TRPC3: variants seen among roughly 807,000 people sequenced by gnomAD.
The protein encoded by TRPC3 is short transient receptor potential channel 3.
Under a neutral mutation model 90.9 loss-of-function variants are expected in TRPC3, and 54 were observed. The observed-to-expected ratio is 0.59, with a 90% CI of 0.48 to 0.75. The LOEUF (loss-of-function observed/expected upper bound fraction) is 0.75, where lower values mean the gene tolerates loss of function less well. TRPC3 is among the 30% of genes least tolerant of loss of function. TRPC3 has a pLI of 0.00. For synonymous variants in TRPC3, 424 were observed against 450.9 expected (o/e 0.94, Z 0.75); for missense variants, 918 against 1,194.5 (o/e 0.77, Z 3.41).
intron 3 of TRPC3, among the ~76,000 whole-genome samples, chr4:121,920,391 A>T (rs575464723): frequency 1.3e-5 from 2 of 152,004 alleles, no homozygotes; most frequent in African/African-American, 4.8e-5. Flanking sequence ...GGCATGGATG[A>T]TGGGTGCCTG....
At chr4:121,948,155 T>C (rs979976296) in intron 1 of TRPC3, among the ~76,000 whole-genome samples, 8 of 142,344 alleles carry the variant, frequency 5.6e-5, no homozygotes, top group African/African-American at 1.8e-4. Context: ...AAATATTTGA[T>C]CATTCACTAT....
chr4:121,897,453 C>CAAAAAAACAAAAAA (rs1728553687), intron 10 of TRPC3, among the ~76,000 whole-genome samples: 1 of 43,420 alleles, frequency 2.3e-5, no homozygotes. Context: ...ATCTCAACAG[C>CAAAAAAACAAAAAA]AAAAAAAAAA....
rs752063058 is a variant in TRPC3 at position 121,903,078 on chromosome 4, GA to G, written c.2254-18del. 5.3e-5 allele frequency: 83 copies of G among 1,555,928 alleles called. No homozygotes were observed. In the East Asian group the frequency reaches 1.0e-3, roughly 19 times the overall value. ...ACTGTCATCCTGTGTCACAAAAATA[GA>G]AAAAAAAACTAATTTTAAATGCTAA... On this transcript the variant is annotated intron_variant, in intron 8 of 11. Transcript: ENST00000379645.
chr4:121,927,495 T>C (rs534420284), intron 2 of TRPC3, among the ~76,000 whole-genome samples: 148 of 152,310 alleles, frequency 9.7e-4, no homozygotes, highest in African/African-American at 3.3e-3. Context: ...TCCTGAGACA[T>C]TGTATGTGTC....
intron 3 of TRPC3, among the ~76,000 whole-genome samples, chr4:121,916,994 CA>C: frequency 6.6e-6 from 1 of 152,256 alleles, no homozygotes; most frequent in Admixed American, 6.5e-5. Context: ...GGATTACAGG[CA>C]TGAGCCACCA....
chr4:121,884,819 T>C (rs376602809), intron 10 of TRPC3, among the ~76,000 whole-genome samples: 3 of 152,158 alleles, frequency 2.0e-5, no homozygotes, highest in Non-Finnish European at 2.9e-5. Context: ...CAAATATTTA[T>C]TGAGAGCCAA....
chr4:121,907,200 T>C, intron 7 of TRPC3, 103 bp downstream of exon 7: 1 of 1,140,340 alleles, frequency 8.8e-7, no homozygotes, highest in African/African-American at 1.6e-5. Flanking sequence ...TTTTCTGTGC[T>C]TAAAAACATC....
rs1727780486 is a variant in TRPC3 at position 121,877,022 on chromosome 4, C to G, written c.*2714G>C. 6.6e-6 allele frequency among the ~76,000 whole-genome samples: 1 copy of G among 152,164 alleles called. No homozygotes were observed. Among genetic ancestry groups the G allele is most frequent in the African/African-American group, 2.4e-5 (1 of 41,422 alleles). On this transcript the variant is annotated 3_prime_UTR_variant, in exon 12 of 12. Coordinates refer to ENST00000379645, the MANE Select transcript of TRPC3 (RefSeq NM_001130698.2). ...TGGTCCTGTTTAAATGCTCCCTTCT[C>G]TGAGTTGCCCCAACAACTTCTTTGA...
chr4:121,930,261 A>G (rs1359466747), intron 2 of TRPC3, among the ~76,000 whole-genome samples: 1 of 152,226 alleles, frequency 6.6e-6, no homozygotes, highest in African/African-American at 2.4e-5. Flanking sequence ...TTGCTACACA[A>G]GCACTTTCCA....
intron 2 of TRPC3, among the ~76,000 whole-genome samples, chr4:121,928,174 T>A (rs1729781853): frequency 6.6e-6 from 1 of 152,162 alleles, no homozygotes; most frequent in Admixed American, 6.5e-5. Context: ...ACCTATAAAA[T>A]TATAGTCTAT....
At chr4:121,886,008 T>C (rs148851471) in intron 10 of TRPC3, among the ~76,000 whole-genome samples, 1 of 152,322 alleles carries the variant, frequency 6.6e-6, no homozygotes, top group African/African-American at 2.4e-5. Flanking sequence ...AATTGAGTGG[T>C]AACCAGGTAA....
chr4:121,944,474 T>C (rs1396563607), intron 1 of TRPC3, among the ~76,000 whole-genome samples: 1 of 151,778 alleles, frequency 6.6e-6, no homozygotes, highest in Non-Finnish European at 1.5e-5. Context: ...AAAAGCTCAA[T>C]GTTTAATAAC....
chr4:121,935,912 T>G (rs1159526682), intron 1 of TRPC3, among the ~76,000 whole-genome samples: 1 of 152,160 alleles, frequency 6.6e-6, no homozygotes, highest in African/African-American at 2.4e-5. Context: ...TCCTTTGTAT[T>G]TCTTAGTATT....
At chr4:121,927,000 G>A (rs1343660010) in intron 2 of TRPC3, among the ~76,000 whole-genome samples, 1 of 152,190 alleles carries the variant, frequency 6.6e-6, no homozygotes, top group Non-Finnish European at 1.5e-5. Context: ...TATAGCGAAT[G>A]TAGAGAGGTA....
rs566275746 is a variant in TRPC3, at chr4:121,921,336, A to C, written c.1176+3682T>G. ...AGGAGATCGAGACCATCCCGGCTAA[A>C]ACGGTGAAACCCCGTCTCTACTAAA... On this transcript the variant is annotated intron_variant, in intron 3 of 11. Transcript: ENST00000379645. 2.3e-4 allele frequency among the ~76,000 whole-genome samples: 35 copies of C among 151,592 alleles called. 3 individuals carry two copies. The East Asian group carries it at 6.6e-3, about 29-fold the overall frequency.
chr4:121,922,173 C>T (rs938241641), intron 3 of TRPC3, among the ~76,000 whole-genome samples: 8 of 151,904 alleles, frequency 5.3e-5, no homozygotes, highest in Non-Finnish European at 4.4e-5. Flanking sequence ...CCACCTGCCT[C>T]GGCCCCCCAA....
chr4:121,884,974 A>G (rs1221044108), intron 10 of TRPC3, among the ~76,000 whole-genome samples: 1 of 152,342 alleles, frequency 6.6e-6, no homozygotes, highest in South Asian at 2.1e-4. Flanking sequence ...GACAGTGAAG[A>G]CAGATTCCTA....
At chr4:121,942,310 C>T (rs1231719740) in intron 1 of TRPC3, among the ~76,000 whole-genome samples, 1 of 152,114 alleles carries the variant, frequency 6.6e-6, no homozygotes, top group Admixed American at 6.5e-5. Context: ...GCCTATAATC[C>T]CAGTACTTTG....
intron 1 of TRPC3, among the ~76,000 whole-genome samples, chr4:121,934,322 C>T (rs754456585): frequency 6.6e-5 from 10 of 152,268 alleles, no homozygotes; most frequent in Middle Eastern, 6.8e-3. Context: ...CTTTTAACAT[C>T]GTGACTATCT....
Sources: gnomAD v4.1 joint callset for allele counts (sites outside exome capture counted in the v4.1 genomes callset) on GRCh38, gnomAD v4.1.1 for gene constraint, MANE v1.5 for transcripts, NCBI Gene and HGNC (gene_info 2026-07-23, HGNC 2026-07-21) for gene names.